Variants in PAK2 observed in about 807,000 individuals in gnomAD.
PAK2 encodes the protein p21 (RAC1) activated kinase 2.
In PAK2, 21 loss-of-function variants were observed where a neutral mutation model predicts 65.9. The ratio of observed to expected loss-of-function variants is 0.32; its 90% confidence interval spans 0.23 to 0.46. PAK2 has a LOEUF of 0.46. PAK2 is among the 20% of genes least tolerant of loss of function. PAK2 has a pLI of 1.00. For missense variants in PAK2, 324 were observed against 642.6 expected, an observed-to-expected ratio of 0.50 and a Z score of 5.36; for synonymous variants, 204 against 219.7, an observed-to-expected ratio of 0.93 and a Z score of 0.63.
rs376655873 is a variant in PAK2 at position 196,764,055 on chromosome 3, G to C, written c.-21-18571G>C. Among the ~76,000 whole-genome samples the C allele has an allele frequency of 2.2e-3, 335 of 151,148 alleles. 2 individuals carry two copies. The highest frequency in any genetic ancestry group is 7.9e-3 in the African/African-American group (325 of 41,180). ...TCTCCTGACCTCAGGTGATCCACCT[G>C]CCTCCGAAAGTGCTGGGATTACAGG... On this transcript the variant is annotated intron_variant, in intron 1 of 14. Transcript: ENST00000327134.
rs1711603393 is a variant in PAK2, at chr3:196,820,184, AG to A, written c.1154-186del. ...TAATTTGGACTCTGTGGCAAGTAAA[AG>A]TAAAATGTGAGAGTGTGTTACATCA... On this transcript the variant is annotated intron_variant, in intron 12 of 14. Transcript: ENST00000327134. The surrounding 1 kb of genome is among the most constrained non-coding windows in gnomAD (Gnocchi z 4.6). Among the ~76,000 whole-genome samples the A allele has an allele frequency of 6.6e-6, 1 of 152,198 alleles. No individual in the cohort carries two copies. Among genetic ancestry groups the A allele is most frequent in the Non-Finnish European group, 1.5e-5 (1 of 68,036 alleles).
chr3:196,775,548 A>G (rs1299637922), intron 1 of PAK2, among the ~76,000 whole-genome samples: 1 of 151,838 alleles, frequency 6.6e-6, no homozygotes, highest in Non-Finnish European at 1.5e-5. Context: ...ACAACCGGCT[A>G]ATTTTTGTAT....
rs1290438945 is a variant in PAK2, at chr3:196,832,326, AAGT to A, written c.*3925_*3927del. The stretch of plus-strand genomic sequence containing the variant: ...TTTTGATAGAAATGGAATTAAGCAA[AAGT>A]AGTTTTTGTCTTTTCTGTTGTCTTC... On this transcript the variant is annotated 3_prime_UTR_variant, in exon 15 of 15. Transcript: ENST00000327134. The A allele has an allele frequency of 3.3e-5, 5 of 152,110 alleles. No individual in the cohort carries two copies. The highest frequency in any genetic ancestry group is 1.2e-4 in the African/African-American group (5 of 41,416). 9.4% of individuals were successfully genotyped at this position (152,110 alleles called of 1,614,324 possible). A position where few individuals can be genotyped will look rare whatever the true frequency, so the allele number is the denominator to read the frequency against.
chr3:196,820,584 A>G lies in PAK2; in HGVS notation c.1350+17A>G. 7.3e-7 allele frequency: 1 copy of G among 1,375,898 alleles called. No homozygotes were observed. Among genetic ancestry groups the G allele is most frequent in the Non-Finnish European group, 1.0e-6 (1 of 995,730 alleles). 85.2% of individuals were successfully genotyped at this position (1,375,898 alleles called of 1,614,324 possible). ...CCCTTGAGGGTAAGATGAGTTAAAC[A>G]CCAGCCTTGTTCAATGTTTTTCTTT... On this transcript the variant is annotated intron_variant, in intron 13 of 14. Transcript: ENST00000327134. This position sits in a 1 kb window ranked among gnomAD's most constrained non-coding sequence, Gnocchi z 4.6.
chr3:196,805,117 A>AATAT (rs576343040), intron 4 of PAK2, among the ~76,000 whole-genome samples: 62 of 152,182 alleles, frequency 4.1e-4, no homozygotes, highest in Admixed American at 7.2e-4. Context: ...ACCCATTTTA[A>AATAT]ATATATAATT....
chr3:196,810,894 ATAAT>A (rs1429484447), intron 8 of PAK2, among the ~76,000 whole-genome samples: 3 of 152,038 alleles, frequency 2.0e-5, no homozygotes, highest in Non-Finnish European at 4.4e-5. Context: ...CCCATCTGTG[ATAAT>A]TAGAGGGAAG....
chr3:196,790,785 A>G (rs928945537), intron 2 of PAK2, among the ~76,000 whole-genome samples: 3 of 152,202 alleles, frequency 2.0e-5, no homozygotes, highest in African/African-American at 7.2e-5. Context: ...TTTAGTATAG[A>G]TTAATTGACA....
At chr3:196,794,197 A>G (rs1476874180) in intron 2 of PAK2, among the ~76,000 whole-genome samples, 1 of 152,178 alleles carries the variant, frequency 6.6e-6, no homozygotes, top group Non-Finnish European at 1.5e-5. Flanking sequence ...AAAATATGAG[A>G]GAAAAGATAA....
At chr3:196,815,473 C>G (rs1378741747) in intron 11 of PAK2, among the ~76,000 whole-genome samples, 1 of 144,632 alleles carries the variant, frequency 6.9e-6, no homozygotes, top group Non-Finnish European at 1.5e-5. Context: ...TCCTGGGCAA[C>G]AGAGCAAGAT....
chr3:196,804,517 G>T (rs1194242913), intron 4 of PAK2, among the ~76,000 whole-genome samples: 1 of 152,096 alleles, frequency 6.6e-6, no homozygotes, highest in African/African-American at 2.4e-5. Context: ...GCCCAGGCTG[G>T]AGTGCAGTGG....
At position 196,829,631 on chromosome 3, in the gene PAK2, CGGT is replaced by C. The variant is rs1195819670; in HGVS notation, c.*1229_*1231del. The C allele has an allele frequency of 6.6e-6, 1 of 152,134 alleles. No individual in the cohort carries two copies. Among genetic ancestry groups the C allele is most frequent in the Non-Finnish European group, 1.5e-5 (1 of 68,036 alleles). The allele number at this position is 152,134 out of a possible 1,614,324, so 9.4% of individuals were successfully genotyped here. A position where few individuals can be genotyped will look rare whatever the true frequency, so the allele number is the denominator to read the frequency against. ...CAAATCGACTGTAGAGACTTGGCGG[CGGT>C]GGCATTGCCCCAGGTCGTCAGCAGT... On this transcript the variant is annotated 3_prime_UTR_variant, in exon 15 of 15. Coordinates refer to ENST00000327134, the MANE Select transcript of PAK2 (RefSeq NM_002577.4).
At chr3:196,762,478 C>T (rs1357733440) in intron 1 of PAK2, among the ~76,000 whole-genome samples, 5 of 149,996 alleles carry the variant, frequency 3.3e-5, no homozygotes, top group African/African-American at 4.9e-5. Flanking sequence ...GCGGATCACT[C>T]GCGGTTAGGG....
chr3:196,831,651 A>G lies in PAK2; in HGVS notation c.*3246A>G, dbSNP rs1407207614. 6.6e-6 allele frequency: 1 copy of G among 152,210 alleles called. No individual in the cohort carries two copies. Among genetic ancestry groups the G allele is most frequent in the South Asian group, 2.1e-4 (1 of 4,834 alleles). The allele number at this position is 152,210 out of a possible 1,614,324, so 9.4% of individuals were successfully genotyped here. ...TTTCTTTTAGGGCTCACTTAAATACATGTTTGTATATACTGTATTCTAGCC... is the reference window on the plus strand; with the variant it reads ...TTTCTTTTAGGGCTCACTTAAATACGTGTTTGTATATACTGTATTCTAGCC... On this transcript the variant is annotated 3_prime_UTR_variant, in exon 15 of 15. Transcript: ENST00000327134.
intron 1 of PAK2, among the ~76,000 whole-genome samples, chr3:196,753,078 A>G (rs1342513718): frequency 7.4e-5 from 11 of 147,754 alleles, no homozygotes. Flanking sequence ...TCCCGAGTTC[A>G]GGCCTGAATA....
intron 2 of PAK2, among the ~76,000 whole-genome samples, chr3:196,792,787 C>A (rs1292154356): frequency 6.7e-6 from 1 of 150,236 alleles, no homozygotes; most frequent in Admixed American, 6.6e-5. Context: ...CAAGACCCAA[C>A]TAAAATGACA....
intron 11 of PAK2, among the ~76,000 whole-genome samples, chr3:196,815,147 T>G (rs1258140635): frequency 2.6e-5 from 4 of 151,124 alleles, no homozygotes; most frequent in South Asian, 2.1e-4. Flanking sequence ...ACCACTGCAC[T>G]CCAGCCTGGG....
intron 2 of PAK2, among the ~76,000 whole-genome samples, chr3:196,790,918 A>G (rs987718484): frequency 6.6e-6 from 1 of 152,220 alleles, no homozygotes; most frequent in African/African-American, 2.4e-5. Context: ...AGCTCTTTAG[A>G]TAAACTACTT....
At chr3:196,747,672 C>G (rs1321722110) in intron 1 of PAK2, among the ~76,000 whole-genome samples, 1 of 151,984 alleles carries the variant, frequency 6.6e-6, no homozygotes, top group African/African-American at 2.4e-5. Flanking sequence ...TATACATAAC[C>G]TATTGATTAA....
At chr3:196,760,497 G>A (rs1241480727) in intron 1 of PAK2, among the ~76,000 whole-genome samples, 1 of 151,812 alleles carries the variant, frequency 6.6e-6, no homozygotes, top group Non-Finnish European at 1.5e-5. Flanking sequence ...GTGAACCGCC[G>A]GCCTCAGCCT....
Sources: allele counts gnomAD v4.1 joint callset (sites outside exome capture counted in the v4.1 genomes callset), GRCh38; gene constraint gnomAD v4.1.1; non-coding constraint Gnocchi (gnomAD v3.1); transcripts MANE v1.5; gene names NCBI Gene and HGNC (gene_info 2026-07-23, HGNC 2026-07-21).